The following SSUH2 variants were observed in gnomAD, a reference collection of about 807,000 sequenced individuals.
The protein encoded by SSUH2 is protein SSUH2 homolog.
A neutral mutation model predicts 55.3 loss-of-function variants in SSUH2; 47 were observed. That is an observed-to-expected ratio of 0.85 (90% CI 0.67 to 1.08). The LOEUF (loss-of-function observed/expected upper bound fraction) is 1.08. Among genes scored for constraint, SSUH2 ranks in the 50% least tolerant of loss-of-function variants. The probability of loss-of-function intolerance (pLI) is 0.00; values close to 1 mark genes in which losing one functional copy is unlikely to be tolerated. For synonymous variants in SSUH2, 212 were observed against 191.5 expected (o/e 1.11, Z -0.89); for missense variants, 535 against 490.7 (o/e 1.09, Z -0.85).
chr3:8,632,926 C>T (rs901998624), intron 4 of SSUH2, among the ~76,000 whole-genome samples: 14 of 152,218 alleles, frequency 9.2e-5, no homozygotes, highest in African/African-American at 3.4e-4. Flanking sequence ...GGCTTTGAGG[C>T]TACCAAATCT....
At chr3:8,632,481 T>C (rs1296615250) in intron 4 of SSUH2, among the ~76,000 whole-genome samples, 5 of 152,216 alleles carry the variant, frequency 3.3e-5, no homozygotes, top group African/African-American at 4.8e-5. Flanking sequence ...CTCCCTGATA[T>C]CAAGATCTTC....
chr3:8,636,477 A>C (rs1699947230), intron 1 of SSUH2, among the ~76,000 whole-genome samples: 2 of 152,154 alleles, frequency 1.3e-5, no homozygotes, highest in South Asian at 4.2e-4. Context: ...GAGCAGAAGA[A>C]TCTCCTGCCT....
intron 8 of SSUH2, 37 bp downstream of exon 8, chr3:8,627,661 A>C: frequency 4.1e-6 from 6 of 1,470,856 alleles, no homozygotes; most frequent in Non-Finnish European, 5.4e-6. Flanking sequence ...CCAGAAAGCA[A>C]GAGCACTTCA....
chr3:8,635,661 G>C (rs776882517), intron 2 of SSUH2, 98 bp downstream of exon 2: 1 of 1,183,430 alleles, frequency 8.5e-7, no homozygotes, highest in East Asian at 2.6e-5. Flanking sequence ...CCCAGGGAAA[G>C]GGGAGCTATC....
chr3:8,649,387 G>A (rs946019547), upstream of SSUH2, among the ~76,000 whole-genome samples: 1 of 152,236 alleles, frequency 6.6e-6, no homozygotes, highest in East Asian at 1.9e-4. Context: ...ATATCAGGGT[G>A]TCTGGACCCA....
At chr3:8,673,437 G>T (rs1161987849) in intron 3 of SSUH2, among the ~76,000 whole-genome samples, 3 of 152,096 alleles carry the variant, frequency 2.0e-5, no homozygotes, top group Non-Finnish European at 4.4e-5. Flanking sequence ...TGGGATAAAG[G>T]AGGATGGTCA....
chr3:8,656,103 AAG>A (rs773799571), intron 7 of SSUH2, among the ~76,000 whole-genome samples: 1 of 152,220 alleles, frequency 6.6e-6, no homozygotes, highest in South Asian at 2.1e-4. Context: ...GATTTTAAGA[AAG>A]AGAGAGAGAC....
intron 5 of SSUH2, among the ~76,000 whole-genome samples, chr3:8,666,898 A>T (rs1009452932): frequency 6.6e-6 from 1 of 152,218 alleles, no homozygotes; most frequent in Non-Finnish European, 1.5e-5. Flanking sequence ...TCAGGGAACC[A>T]CATTTACCAG....
rs1395544252 is a variant in SSUH2, at chr3:8,627,707, C to T, written c.665G>A (p.Gly222Asp). 6.3e-7 allele frequency: 1 copy of T among 1,592,346 alleles called. No homozygotes were observed. Among genetic ancestry groups the T allele is most frequent in the Non-Finnish European group, 8.6e-7 (1 of 1,168,736 alleles). ...GGGGAGATGCCCCTACCTTCGCCTGCCGGACCCCGCGCACAGCTGACATCT... is the reference window on the plus strand; with the variant it reads ...GGGGAGATGCCCCTACCTTCGCCTGTCGGACCCCGCGCACAGCTGACATCT... The part of the protein sequence containing the change: ...SRRCQLCAGS[G>D]RRRCSTCSGR... The change falls in exon 8 of 12, where the codon GGC (glycine) becomes GAC (aspartate). Residue 222 changes from glycine to aspartate, a missense_variant. Transcript: ENST00000544814.
intron 11 of SSUH2, among the ~76,000 whole-genome samples, chr3:8,620,718 A>G (rs7641815): frequency 0.056 from 8,532 of 152,284 alleles, 780 homozygotes; most frequent in African/African-American, 0.19. Context: ...CAGAAGCATT[A>G]ATTTTTAGAT....
chr3:8,636,016 G>A (rs1699867653), intron 1 of SSUH2, among the ~76,000 whole-genome samples, 159 bp from the exon 2 acceptor site: 1 of 152,216 alleles, frequency 6.6e-6, no homozygotes, highest in Admixed American at 6.5e-5. Flanking sequence ...CATCTGCAGG[G>A]CAGGTGGTAG....
chr3:8,656,178 C>G (rs1702919436), intron 7 of SSUH2, among the ~76,000 whole-genome samples: 1 of 152,122 alleles, frequency 6.6e-6, no homozygotes, highest in Admixed American at 6.5e-5. Flanking sequence ...ACTGAAAAGC[C>G]TTCATGTTTA....
intron 5 of SSUH2, chr3:8,663,885 G>A (rs1417572515): frequency 2.2e-6 from 1 of 455,596 alleles, no homozygotes; most frequent in South Asian, 1.6e-5. Flanking sequence ...TCTTCTAGCT[G>A]CACTGCACAA....
At chr3:8,628,322 A>G (rs1698022619) in intron 7 of SSUH2, among the ~76,000 whole-genome samples, 1 of 152,132 alleles carries the variant, frequency 6.6e-6, no homozygotes, top group African/African-American at 2.4e-5. Context: ...GGGTCAGAGC[A>G]TGGCCAAAGG....
At chr3:8,630,698 G>A in intron 6 of SSUH2, 107 bp downstream of exon 6, 1 of 1,122,152 alleles carries the variant, frequency 8.9e-7, no homozygotes. Context: ...GCACCGGCCT[G>A]AATTTTGGGT....
intron 3 of SSUH2, among the ~76,000 whole-genome samples, chr3:8,673,941 A>T (rs1202191275): frequency 1.3e-5 from 2 of 152,154 alleles, no homozygotes; most frequent in Admixed American, 6.5e-5. Context: ...TAAGGTATGT[A>T]TACTCCCCTT....
intron 1 of SSUH2, among the ~76,000 whole-genome samples, chr3:8,644,059 T>A (rs1334679567): frequency 3.3e-5 from 5 of 152,126 alleles, no homozygotes; most frequent in African/African-American, 4.8e-5. Context: ...ATTTCCCTTT[T>A]TAAAACATAG....
At chr3:8,657,663 C>G (rs781649705) in intron 7 of SSUH2, among the ~76,000 whole-genome samples, 2 of 152,162 alleles carry the variant, frequency 1.3e-5, no homozygotes, top group Admixed American at 6.5e-5. Context: ...CAAAGGCTGA[C>G]TACCGAAATT....
rs1697358943 is a variant in SSUH2, at chr3:8,625,532, G to A, written c.873+10C>T. On this transcript the variant is annotated intron_variant, in intron 10 of 11. Coordinates refer to ENST00000544814, the MANE Select transcript of SSUH2 (RefSeq NM_001256748.3). ...AGCTTCCTTTGTTCCCATCTACAAT[G>A]CCCTCTTACCACCGAGTTTTCATCC... The A allele has an allele frequency of 1.9e-6, 3 of 1,571,078 alleles. No homozygotes were observed. The South Asian group carries it at 3.3e-5, about 17-fold the overall frequency.
Sources: allele counts gnomAD v4.1 joint callset (sites outside exome capture counted in the v4.1 genomes callset), GRCh38; gene constraint gnomAD v4.1.1; transcripts MANE v1.5; gene names NCBI Gene and HGNC (gene_info 2026-07-23, HGNC 2026-07-21).